The following DLGAP4 variants were observed in gnomAD, a reference collection of about 807,000 sequenced individuals.
DLGAP4 encodes DLG associated protein 4.
In DLGAP4, 18 loss-of-function variants were observed where a neutral mutation model predicts 86.9. The observed-to-expected ratio is 0.21, with a 90% CI of 0.14 to 0.31. The LOEUF is 0.31. Ranked by LOEUF, DLGAP4 falls within the 10% of genes least tolerant of loss-of-function variation. DLGAP4 has a pLI of 1.00. For missense variants in DLGAP4, 1,085 were observed against 1,362.6 expected (o/e 0.80, Z 3.21); for synonymous variants, 548 against 574.3 (o/e 0.95, Z 0.65).
At chr20:36,475,322 T>G (rs959175196) in intron 7 of DLGAP4, among the ~76,000 whole-genome samples, 3 of 152,192 alleles carry the variant, frequency 2.0e-5, no homozygotes, top group Non-Finnish European at 4.4e-5. Context: ...GTGATTCCCC[T>G]GCCTCAGCCT....
In DLGAP4 at chr20:36,432,192, G is replaced by A; in HGVS notation, c.475G>A (p.Gly159Ser). 6.2e-7 allele frequency: 1 copy of A among 1,614,164 alleles called. No homozygotes were observed. Among genetic ancestry groups the A allele is most frequent in the Non-Finnish European group, 8.5e-7 (1 of 1,180,042 alleles). Residue 159 changes from glycine (G) to serine (S), a missense_variant, in exon 3 of 13, where the codon GGC becomes AGC. By Grantham distance (56) the Gly-to-Ser change is moderately conservative. Coordinates refer to ENST00000339266, the MANE Select transcript of DLGAP4 (RefSeq NM_001365621.2). The surrounding 1 kb of genome is among the most constrained non-coding windows in gnomAD (Gnocchi z 6.5). ...CTTCACCAAGGCACCCTCACTGGAG[G>A]GCACAGCGGGCAAGGTCGGTGGCAA... ...LFFTKAPSLE[G>S]TAGKVGGNGS...
chr20:36,351,707 G>T (rs782015406), intron 1 of DLGAP4, among the ~76,000 whole-genome samples: 10 of 152,132 alleles, frequency 6.6e-5, no homozygotes, highest in Non-Finnish European at 1.5e-4. Flanking sequence ...GTTCCTGGTG[G>T]CGAAAAGGTT....
At chr20:36,447,915 AC>A (rs2033639672) in intron 7 of DLGAP4, among the ~76,000 whole-genome samples, 1 of 99,680 alleles carries the variant, frequency 1.0e-5, no homozygotes, top group Non-Finnish European at 2.1e-5. Context: ...GGGGGGGGAG[AC>A]AAGGGGAGGG....
At chr20:36,509,906 G>A (rs1281427850) in intron 10 of DLGAP4, among the ~76,000 whole-genome samples, 1 of 151,820 alleles carries the variant, frequency 6.6e-6, no homozygotes, top group Non-Finnish European at 1.5e-5. Context: ...GCCCAGGCTG[G>A]AGTGCAATAG....
intron 10 of DLGAP4, among the ~76,000 whole-genome samples, chr20:36,501,099 C>T (rs967199570): frequency 2.7e-5 from 4 of 147,950 alleles, no homozygotes; most frequent in East Asian, 2.0e-4. Context: ...GAGTCTTGCT[C>T]CATCACCCAG....
At chr20:36,311,388 C>T (rs1265305854) in intron 1 of DLGAP4, among the ~76,000 whole-genome samples, 1 of 152,146 alleles carries the variant, frequency 6.6e-6, no homozygotes, top group Non-Finnish European at 1.5e-5. Context: ...AACGCCGCCT[C>T]CTCCCTACCG....
chr20:36,437,249 A>C (rs1263444003), intron 4 of DLGAP4, among the ~76,000 whole-genome samples: 1 of 152,164 alleles, frequency 6.6e-6, no homozygotes, highest in Non-Finnish European at 1.5e-5. Context: ...AGCCCCACCC[A>C]CAGTTCAGCC....
intron 1 of DLGAP4, among the ~76,000 whole-genome samples, chr20:36,317,273 T>TTC (rs2065114464): frequency 1.0e-4 from 1 of 9,904 alleles, no homozygotes; most frequent in Non-Finnish European, 1.8e-4. Context: ...CTTTCTTTCT[T>TTC]TCTTATCTTT....
chr20:36,494,578 A>G (rs2035801251), intron 7 of DLGAP4, among the ~76,000 whole-genome samples: 1 of 152,190 alleles, frequency 6.6e-6, no homozygotes, highest in South Asian at 2.1e-4. Context: ...CAATCCACCC[A>G]TCTTATTCAG....
chr20:36,341,044 A>G (rs995127169), intron 1 of DLGAP4, among the ~76,000 whole-genome samples: 3 of 152,136 alleles, frequency 2.0e-5, no homozygotes, highest in Admixed American at 6.5e-5. Context: ...GCTGGGAGGC[A>G]TTTCTATCAC....
In DLGAP4 at chr20:36,527,044, G is replaced by A. The variant is rs1569528034; in HGVS notation, c.*13G>A. On this transcript the variant is annotated 3_prime_UTR_variant, in exon 13 of 13. Transcript: ENST00000339266. ...GACCAGGCTCTGAGACCATGCAGGA[G>A]GAAAGAAACGATTTTAAATCATTAA... 6.4e-7 allele frequency: 1 copy of A among 1,569,654 alleles called. No homozygotes were observed. Among genetic ancestry groups the A allele is most frequent in the Non-Finnish European group, 8.6e-7 (1 of 1,159,212 alleles).
intron 6 of DLGAP4, among the ~76,000 whole-genome samples, chr20:36,443,646 G>C (rs1453835317): frequency 1.3e-5 from 2 of 152,078 alleles, no homozygotes; most frequent in East Asian, 3.8e-4. Flanking sequence ...TAGGCGAGTG[G>C]TAAGGATGTG....
intron 2 of DLGAP4, among the ~76,000 whole-genome samples, chr20:36,411,048 T>C (rs1028463688): frequency 2.0e-5 from 3 of 152,194 alleles, no homozygotes; most frequent in African/African-American, 7.2e-5. Context: ...TGGAATGCAG[T>C]GGGATGATCT....
intron 7 of DLGAP4, chr20:36,492,331 T>C (rs1174141628): frequency 6.6e-6 from 1 of 152,306 alleles, no homozygotes; most frequent in Non-Finnish European, 1.5e-5. Flanking sequence ...CAACACCACT[T>C]ATCTGGCTGT....
intron 7 of DLGAP4, among the ~76,000 whole-genome samples, chr20:36,478,214 G>A (rs142968513): frequency 6.6e-6 from 1 of 152,286 alleles, no homozygotes; most frequent in Non-Finnish European, 1.5e-5. Context: ...ATGGCAGACA[G>A]CATCAGCCAC....
At chr20:36,459,711 G>A (rs1464223310) in intron 7 of DLGAP4, among the ~76,000 whole-genome samples, 2 of 152,180 alleles carry the variant, frequency 1.3e-5, no homozygotes, top group Admixed American at 6.5e-5. Context: ...AGGTTCAAGC[G>A]ATTCACCTGC....
chr20:36,379,017 A>G (rs2425229), intron 2 of DLGAP4, among the ~76,000 whole-genome samples: 108,657 of 151,552 alleles, frequency 0.72, 39,539 homozygotes, highest in African/African-American at 0.85. Flanking sequence ...AGTGGCAAAC[A>G]TGCTAGCAGT....
Position 36,432,318 on chromosome 20 carries a change from A to G in DLGAP4, c.601A>G (p.Ile201Val). Residue 201 changes from isoleucine (I) to valine (V), a missense_variant, in exon 3 of 13, where the codon ATC becomes GTC. Physicochemically the swap from Ile to Val is conservative, Grantham distance 29. Around this residue, in one of 2 missense-constraint regions of DLGAP4, gnomAD observed 1,082 missense variants for 1,344.1 expected, o/e 0.81. Coordinates refer to ENST00000339266, the MANE Select transcript of DLGAP4 (RefSeq NM_001365621.2). This position sits in a 1 kb window ranked among gnomAD's most constrained non-coding sequence, Gnocchi z 6.5. ...GEPKRRSRSN[I>V]SGWWSSDDNL... is the part of the protein sequence containing the mutation. ...GCCCAAACGGCGCAGCCGCTCCAAC[A>G]TCTCAGGCTGGTGGAGCTCCGATGA... 6.2e-7 allele frequency: 1 copy of G among 1,613,698 alleles called. No homozygotes were observed. The highest frequency in any genetic ancestry group is 8.5e-7 in the Non-Finnish European group (1 of 1,179,862).
chr20:36,427,985 C>G (rs1388290100), intron 2 of DLGAP4, among the ~76,000 whole-genome samples: 1 of 152,038 alleles, frequency 6.6e-6, no homozygotes, highest in Non-Finnish European at 1.5e-5. Context: ...TGGAAAAATA[C>G]AATCCATAAT....
Sources: gnomAD v4.1 joint callset for allele counts (sites outside exome capture counted in the v4.1 genomes callset) on GRCh38, gnomAD v4.1.1 for gene constraint, gnomAD v4.1.1 regional missense constraint, Gnocchi (gnomAD v3.1) non-coding constraint, MANE v1.5 for transcripts, NCBI Gene and HGNC (gene_info 2026-07-23, HGNC 2026-07-21) for gene names.